PALLD: variants seen among roughly 807,000 people sequenced by gnomAD.
PALLD encodes the protein palladin, cytoskeletal associated protein.
A neutral mutation model predicts 123.5 loss-of-function variants in PALLD; 61 were observed. The ratio of observed to expected loss-of-function variants is 0.49; its 90% CI spans 0.40 to 0.61. The LOEUF (loss-of-function observed/expected upper bound fraction) is 0.61, where lower values mean the gene tolerates loss of function less well. PALLD is among the 20% of genes least tolerant of loss of function. The pLI is 0.00. For synonymous variants in PALLD, 465 were observed against 496.4 expected (o/e 0.94, Z 0.84); for missense variants, 1,273 against 1,377.0 (o/e 0.92, Z 1.20).
rs1243500093 is a variant in PALLD, at chr4:168,761,667, T to G, written c.1964+49744T>G. Among the ~76,000 whole-genome samples, 21 of 83,082 alleles carry G rather than the reference T, an allele frequency of 2.5e-4. 1 individual carries two copies. Among genetic ancestry groups the G allele is most frequent in the African/African-American group, 6.5e-4 (16 of 24,696 alleles). The allele number at this position is 83,082 out of a possible 152,430, so 54.5% of individuals were successfully genotyped here. On this transcript the variant is annotated intron_variant, in intron 10 of 21. Coordinates refer to ENST00000505667, the MANE Select transcript of PALLD (RefSeq NM_001166108.2). ...TTTGTTTTTTTTTTTTTTTTTTTTT[T>G]TTTTTTTTTGTAGTTTTTTGTTTTG...
Position 168,927,366 on chromosome 4 carries a change from C to G in PALLD, c.*1186C>G, listed in dbSNP as rs1762696080. The G allele has an allele frequency of 4.3e-6, 1 of 232,636 alleles. No homozygotes were observed. The highest frequency in any genetic ancestry group is 2.2e-5 in the African/African-American group (1 of 45,294). 14.4% of individuals were successfully genotyped at this position (232,636 alleles called of 1,614,324 possible). A position where few individuals can be genotyped will look rare whatever the true frequency, so the allele number is the denominator to read the frequency against. ...CACTGCCATTCACAAGTCAAGGAAC[C>G]CAGGGCCAGCTGGAAGTGTGGAGCA... On this transcript the variant is annotated 3_prime_UTR_variant, in exon 22 of 22. Transcript: ENST00000505667.
intron 3 of PALLD, among the ~76,000 whole-genome samples, chr4:168,670,590 G>T (rs1282747111): frequency 6.6e-6 from 1 of 150,586 alleles, no homozygotes; most frequent in Admixed American, 6.6e-5. Context: ...AAAATTAGCC[G>T]GGCGCGGTGG....
At chr4:168,919,626 T>C (rs1761019146) in intron 17 of PALLD, among the ~76,000 whole-genome samples, 1 of 151,758 alleles carries the variant, frequency 6.6e-6, no homozygotes, top group South Asian at 2.1e-4. Context: ...ATCCTGACGA[T>C]AAGCCAAACA....
chr4:168,697,646 C>T (rs933495059), intron 8 of PALLD, among the ~76,000 whole-genome samples: 3 of 152,180 alleles, frequency 2.0e-5, no homozygotes, highest in African/African-American at 4.8e-5. Context: ...CCCACAGAAG[C>T]GTTCTGCTTT....
intron 19 of PALLD, 127 bp downstream of exon 19, chr4:168,924,547 T>G (rs1762205621): frequency 2.0e-6 from 2 of 987,592 alleles, no homozygotes; most frequent in Non-Finnish European, 1.6e-6. Flanking sequence ...TTTGATGAAA[T>G]CAATCAAAGA....
At chr4:168,867,246 G>T (rs553814333) in intron 10 of PALLD, among the ~76,000 whole-genome samples, 7 of 152,190 alleles carry the variant, frequency 4.6e-5, no homozygotes, top group Non-Finnish European at 1.0e-4. Flanking sequence ...CATAGTAAGT[G>T]CTCTATAGCA....
At chr4:168,639,694 C>T (rs1190263467) in intron 2 of PALLD, among the ~76,000 whole-genome samples, 1 of 151,710 alleles carries the variant, frequency 6.6e-6, no homozygotes, top group East Asian at 2.0e-4. Flanking sequence ...CAGGCACCCA[C>T]TACCACGCCC....
In PALLD at chr4:168,546,884, T is replaced by C. The variant is rs1367161013; in HGVS notation, c.908+34472T>C. ...ACATTATGTATTTCAATCCATCACA[T>C]GCTGATCTCATAGCCACAGATTTTT... On this transcript the variant is annotated intron_variant, in intron 2 of 21. Transcript: ENST00000505667. Among the ~76,000 whole-genome samples the C allele has an allele frequency of 3.3e-5, 5 of 152,204 alleles. No homozygotes were observed. In the East Asian group the frequency reaches 9.6e-4, roughly 29 times the overall value.
intron 11 of PALLD, among the ~76,000 whole-genome samples, chr4:168,892,229 G>T (rs1754252864): frequency 6.6e-6 from 1 of 152,096 alleles, no homozygotes; most frequent in African/African-American, 2.4e-5. Flanking sequence ...GACTTACCAG[G>T]TAAAGGAGAG....
chr4:168,700,103 T>C, intron 8 of PALLD: 1 of 289,570 alleles, frequency 3.5e-6, no homozygotes, highest in Non-Finnish European at 7.0e-6. Context: ...TCCTCATGGC[T>C]TTCTTCATTT....
At chr4:168,606,316 A>T (rs1183916943) in intron 2 of PALLD, among the ~76,000 whole-genome samples, 1 of 152,160 alleles carries the variant, frequency 6.6e-6, no homozygotes, top group Non-Finnish European at 1.5e-5. Context: ...CACCCAGGAC[A>T]ACAGCTCAGC....
At position 168,783,046 on chromosome 4, in the gene PALLD, ATG is replaced by A. The variant is rs150595576; in HGVS notation, c.1964+71161_1964+71162del. Among the ~76,000 whole-genome samples the A allele has an allele frequency of 8.2e-3, 948 of 116,146 alleles. 5 individuals are homozygous for A. Among genetic ancestry groups the A allele is most frequent in the South Asian group, 0.019 (67 of 3,580 alleles). 76.2% of individuals were successfully genotyped at this position (116,146 alleles called of 152,430 possible). ...TTCTACTCACAAATTTTATATATAT[ATG>A]TGTGTGTGTGTGTGTGTGTGTGTGT... On this transcript the variant is annotated intron_variant, in intron 10 of 21. Transcript: ENST00000505667.
At position 168,877,932 on chromosome 4, in the gene PALLD, C is replaced by A. The variant is rs864622627; in HGVS notation, c.1965-12990C>A. 1 of 1,497,858 alleles carries A rather than the reference C, an allele frequency of 6.7e-7. No individual in the cohort carries two copies. Among genetic ancestry groups the A allele is most frequent in the South Asian group, 1.2e-5 (1 of 81,110 alleles). 92.8% of individuals were successfully genotyped at this position (1,497,858 alleles called of 1,614,324 possible). A position where few individuals can be genotyped will look rare whatever the true frequency, so the allele number is the denominator to read the frequency against. ...TCCCGCTCCGCCCCCGCCATGCAGT[C>A]CTCCGGCTCCTTCAACTACGCGCGC... On this transcript the variant is annotated intron_variant, in intron 10 of 21. Coordinates refer to ENST00000505667, the MANE Select transcript of PALLD (RefSeq NM_001166108.2).
intron 2 of PALLD, among the ~76,000 whole-genome samples, chr4:168,514,545 A>T (rs1395674539): frequency 6.6e-6 from 1 of 152,198 alleles, no homozygotes; most frequent in Non-Finnish European, 1.5e-5. Flanking sequence ...TATGTTATTT[A>T]TGTAGATTAT....
chr4:168,759,078 C>T (rs1732312851), intron 10 of PALLD, among the ~76,000 whole-genome samples: 1 of 147,866 alleles, frequency 6.8e-6, no homozygotes, highest in Admixed American at 6.8e-5. Context: ...ACTCAGGAGG[C>T]TGAGGCAGGA....
At chr4:168,916,172 G>C (rs1760044771) in intron 17 of PALLD, 145 bp downstream of exon 17, 1 of 836,426 alleles carries the variant, frequency 1.2e-6, no homozygotes, top group South Asian at 1.4e-5. Flanking sequence ...CAGCACTTTA[G>C]AGTCCAAAGC....
intron 2 of PALLD, among the ~76,000 whole-genome samples, chr4:168,639,734 C>A (rs982599673): frequency 1.3e-5 from 2 of 152,006 alleles, no homozygotes; most frequent in East Asian, 3.9e-4. Flanking sequence ...TTAGTAGAGA[C>A]GGGGTTTCAC....
chr4:168,789,202 T>G (rs983764213), intron 10 of PALLD, among the ~76,000 whole-genome samples: 1 of 152,212 alleles, frequency 6.6e-6, no homozygotes, highest in Non-Finnish European at 1.5e-5. Context: ...TGAGCATTTC[T>G]GTAAATTTTG....
At chr4:168,737,237 G>A (rs950130466) in intron 10 of PALLD, among the ~76,000 whole-genome samples, 1 of 152,198 alleles carries the variant, frequency 6.6e-6, no homozygotes, top group African/African-American at 2.4e-5. Context: ...TGAACAAAAT[G>A]CTCACATCCC....
Sources: gnomAD v4.1 joint callset for allele counts (sites outside exome capture counted in the v4.1 genomes callset) on GRCh38, gnomAD v4.1.1 for gene constraint, MANE v1.5 for transcripts, NCBI Gene and HGNC (gene_info 2026-07-23, HGNC 2026-07-21) for gene names.